Variants in EHMT1 observed in about 807,000 individuals in gnomAD.
The protein encoded by EHMT1 is euchromatic histone lysine methyltransferase 1.
A neutral mutation model predicts 147.2 loss-of-function variants in EHMT1; 15 were observed. That is an observed-to-expected ratio of 0.10 (90% CI 0.07 to 0.16). The LOEUF is 0.16. Ranked by LOEUF, EHMT1 falls within the 10% of genes least tolerant of loss-of-function variation. The pLI is 1.00. For missense variants in EHMT1, 1,587 were observed against 1,772.4 expected (o/e 0.90, Z 1.88); for synonymous variants, 795 against 709.6 (o/e 1.12, Z -1.91).
At chr9:137,807,028 A>T (rs7047808) in intron 18 of EHMT1, among the ~76,000 whole-genome samples, 21,700 of 152,194 alleles carry the variant, frequency 0.14, 5,057 homozygotes, top group African/African-American at 0.49. Flanking sequence ...TGATTACTGA[A>T]GTGCTTTGGT....
chr9:137,740,838 T>A (rs1947992645), intron 4 of EHMT1, among the ~76,000 whole-genome samples: 1 of 152,200 alleles, frequency 6.6e-6, no homozygotes, highest in South Asian at 2.1e-4. Context: ...AGTCTAGCTC[T>A]GTTTCCCAGG....
chr9:137,803,956 T>G (rs1202674774), intron 18 of EHMT1, among the ~76,000 whole-genome samples: 1 of 152,162 alleles, frequency 6.6e-6, no homozygotes, highest in Admixed American at 6.5e-5. Flanking sequence ...GACTGTAATT[T>G]ATAAACAAAA....
chr9:137,763,733 C>T (rs1302076014), intron 10 of EHMT1: 4 of 152,644 alleles, frequency 2.6e-5, no homozygotes, highest in East Asian at 1.9e-4. Flanking sequence ...GTAGGGCGCT[C>T]CTCCAGGTCC....
chr9:137,834,591 A>G, intron 26 of EHMT1, 67 bp downstream of exon 26: 1 of 1,603,362 alleles, frequency 6.2e-7, no homozygotes, highest in Non-Finnish European at 8.5e-7. Context: ...CGGGGCTCGC[A>G]TTGCTTTCCT....
At chr9:137,636,699 A>T (rs948174276) in intron 1 of EHMT1, among the ~76,000 whole-genome samples, 2 of 151,976 alleles carry the variant, frequency 1.3e-5, no homozygotes, top group African/African-American at 4.8e-5. Flanking sequence ...ATAGATTTTC[A>T]TATGCTCAAC....
At chr9:137,773,064 C>T (rs921658275) in intron 10 of EHMT1, among the ~76,000 whole-genome samples, 1 of 152,008 alleles carries the variant, frequency 6.6e-6, no homozygotes, top group African/African-American at 2.4e-5. Context: ...TAATGCATGC[C>T]GATTGTAAAA....
intron 1 of EHMT1, chr9:137,675,051 A>G (rs1288656183): frequency 6.6e-6 from 1 of 152,234 alleles, no homozygotes; most frequent in African/African-American, 2.4e-5. Flanking sequence ...AAAAAAATTC[A>G]TTCTTAGCTT....
chr9:137,661,969 A>G (rs1194503425), intron 1 of EHMT1, among the ~76,000 whole-genome samples: 1 of 151,470 alleles, frequency 6.6e-6, no homozygotes, highest in East Asian at 1.9e-4. Flanking sequence ...TGCCCAGCTA[A>G]TTTTATATTT....
intron 18 of EHMT1, among the ~76,000 whole-genome samples, chr9:137,808,525 C>T (rs750043388): frequency 1.3e-5 from 2 of 152,174 alleles, no homozygotes; most frequent in Non-Finnish European, 2.9e-5. Flanking sequence ...TGTATCACCC[C>T]ATTGTTTCAG....
intron 1 of EHMT1, among the ~76,000 whole-genome samples, chr9:137,635,594 G>A (rs1337678534): frequency 2.6e-5 from 4 of 151,676 alleles, no homozygotes; most frequent in Non-Finnish European, 4.4e-5. Context: ...GCCGAGGTGG[G>A]TGGATCACGA....
At chr9:137,807,859 C>T (rs1331655739) in intron 18 of EHMT1, among the ~76,000 whole-genome samples, 4 of 152,184 alleles carry the variant, frequency 2.6e-5, no homozygotes, top group African/African-American at 4.8e-5. Context: ...GTGTCAAAGC[C>T]GGGCTTTTTG....
intron 1 of EHMT1, among the ~76,000 whole-genome samples, chr9:137,661,323 T>C (rs1939051660): frequency 6.6e-6 from 1 of 152,112 alleles, no homozygotes; most frequent in African/African-American, 2.4e-5. Flanking sequence ...CTATTTAGGA[T>C]GGTGTTTATT....
At chr9:137,673,293 A>G (rs1378239736) in intron 1 of EHMT1, among the ~76,000 whole-genome samples, 1 of 152,098 alleles carries the variant, frequency 6.6e-6, no homozygotes, top group African/African-American at 2.4e-5. Context: ...GTGGTCCCTC[A>G]CCATTCTCGA....
At chr9:137,635,081 C>G (rs1218813753) in intron 1 of EHMT1, among the ~76,000 whole-genome samples, 1 of 151,812 alleles carries the variant, frequency 6.6e-6, no homozygotes, top group African/African-American at 2.4e-5. Context: ...AAAAGCCTTT[C>G]AGGATCTTGA....
chr9:137,711,081 GA>G (rs1278732866), intron 2 of EHMT1, 51 bp downstream of exon 2: 6 of 1,534,290 alleles, frequency 3.9e-6, no homozygotes, highest in Non-Finnish European at 5.3e-6. Flanking sequence ...CTCCAGACTA[GA>G]AAACCTGCTG....
intron 1 of EHMT1, among the ~76,000 whole-genome samples, chr9:137,699,111 G>A (rs976442805): frequency 5.3e-5 from 8 of 152,210 alleles, no homozygotes; most frequent in African/African-American, 1.9e-4. Flanking sequence ...ACAGGAGCAG[G>A]CATTTGAACC....
Position 137,787,506 on chromosome 9 carries a change from G to A in EHMT1, c.2383-3342G>A, listed in dbSNP as rs1025526055. 3.3e-5 allele frequency among the ~76,000 whole-genome samples: 5 copies of A among 152,226 alleles called. No individual in the cohort carries two copies. The highest frequency in any genetic ancestry group is 1.3e-4 in the Admixed American group (2 of 15,288). Reference sequence around the variant, plus strand: ...CCAGGGCCGTGCCCAGCTCGGCCACGGCCACACGTGGGGTAGTTAGTAAAC... The same window carrying A: ...CCAGGGCCGTGCCCAGCTCGGCCACAGCCACACGTGGGGTAGTTAGTAAAC... On this transcript the variant is annotated intron_variant, in intron 15 of 26. Transcript: ENST00000460843. This position sits in a 1 kb window ranked among gnomAD's most constrained non-coding sequence, Gnocchi z 4.2.
chr9:137,634,393 G>A (rs751147905), intron 1 of EHMT1, among the ~76,000 whole-genome samples: 2 of 152,182 alleles, frequency 1.3e-5, no homozygotes, highest in Admixed American at 6.5e-5. Context: ...TTGTTGAAAA[G>A]ACCATGCTTT....
At chr9:137,642,990 C>T (rs1844604354) in intron 1 of EHMT1, among the ~76,000 whole-genome samples, 1 of 152,180 alleles carries the variant, frequency 6.6e-6, no homozygotes, top group African/African-American at 2.4e-5. Context: ...AGAGATCCTC[C>T]TGCCTCAGCC....
Sources: gnomAD v4.1 joint callset for allele counts (sites outside exome capture counted in the v4.1 genomes callset) on GRCh38, gnomAD v4.1.1 for gene constraint, Gnocchi (gnomAD v3.1) non-coding constraint, MANE v1.5 for transcripts, NCBI Gene and HGNC (gene_info 2026-07-23, HGNC 2026-07-21) for gene names.